Variants in CD109 observed in about 807,000 individuals in gnomAD.
The protein encoded by CD109 is CD109 molecule.
Under a neutral mutation model 165.8 loss-of-function variants are expected in CD109, and 149 were observed. That is an observed-to-expected ratio of 0.90 (90% CI 0.79 to 1.03). The LOEUF is 1.03. CD109 is among the 50% of genes least tolerant of loss of function. CD109 has a pLI of 0.00. For missense variants in CD109, 1,712 were observed against 1,677.8 expected (o/e 1.02, Z -0.36); for synonymous variants, 585 against 592.1 (o/e 0.99, Z 0.18).
In CD109 at chr6:73,805,502, C is replaced by T. The variant is rs539977674; in HGVS notation, c.2961-1342C>T. On this transcript the variant is annotated intron_variant, in intron 24 of 32. Coordinates refer to ENST00000287097, the MANE Select transcript of CD109 (RefSeq NM_133493.5). ...CCCAGGGACGGGCAGGAGACAGATG[C>T]CTTCCTCTTATCTCAACTGCAAAGA... Among the ~76,000 whole-genome samples, 15 of 152,216 alleles carry T rather than the reference C, an allele frequency of 9.9e-5. No homozygotes were observed. In the East Asian group the frequency reaches 2.7e-3, roughly 27 times the overall value.
chr6:73,762,386 A>AT lies in CD109; in HGVS notation c.762dup (p.Thr255TyrfsTer31). The AT allele has an allele frequency of 6.3e-7, 1 of 1,581,150 alleles. No individual in the cohort carries two copies. Among genetic ancestry groups the AT allele is most frequent in the Admixed American group, 1.7e-5 (1 of 59,662 alleles). ...AGACTATGTTTATAATTATTCAGGT[A>AT]TACATATGGGAAGCCAGTGAAAGGA... On this transcript the variant is annotated frameshift_variant, in exon 8 of 33. Coordinates refer to ENST00000287097, the MANE Select transcript of CD109 (RefSeq NM_133493.5). LOFTEE classifies it high-confidence loss of function.
At chr6:73,706,059 C>T (rs1346132177) in intron 2 of CD109, among the ~76,000 whole-genome samples, 1 of 152,040 alleles carries the variant, frequency 6.6e-6, no homozygotes, top group Non-Finnish European at 1.5e-5. Context: ...CCTTAAAAAA[C>T]CCTCATACTT....
chr6:73,794,961 G>A (rs1775104797), intron 23 of CD109, among the ~76,000 whole-genome samples: 1 of 151,360 alleles, frequency 6.6e-6, no homozygotes, highest in South Asian at 2.1e-4. Context: ...GTGGTACCAA[G>A]TGGTCTCTGT....
intron 20 of CD109, among the ~76,000 whole-genome samples, chr6:73,786,790 T>G (rs1003537577): frequency 1.3e-5 from 2 of 152,232 alleles, no homozygotes; most frequent in African/African-American, 2.4e-5. Context: ...GTACTTTCCT[T>G]GGAATAATTT....
intron 15 of CD109, among the ~76,000 whole-genome samples, chr6:73,773,744 G>A (rs1054758358): frequency 2.6e-5 from 4 of 151,982 alleles, no homozygotes; most frequent in South Asian, 2.1e-4. Flanking sequence ...ACAGATTTTA[G>A]TTCCATGTTA....
Position 73,730,587 on chromosome 6 carries a change from C to G in CD109, c.507+13C>G, listed in dbSNP as rs375749008. Reference sequence around the variant, plus strand: ...CATTCTCATTAAGGTAAGTGCCAGACAGAAATGAAGCAAGGAATTCTAGCC... The same window carrying G: ...CATTCTCATTAAGGTAAGTGCCAGAGAGAAATGAAGCAAGGAATTCTAGCC... On this transcript the variant is annotated intron_variant, in intron 4 of 32. Transcript: ENST00000287097. 61 of 1,547,592 alleles carry G rather than the reference C, an allele frequency of 3.9e-5. No individual in the cohort carries two copies. The African/African-American group carries it at 7.5e-4, about 19-fold the overall frequency.
chr6:73,737,048 A>G (rs1291483204), intron 5 of CD109, among the ~76,000 whole-genome samples: 1 of 152,170 alleles, frequency 6.6e-6, no homozygotes, highest in East Asian at 1.9e-4. Context: ...ATAAATCTAA[A>G]TGGGGGGCAT....
At chr6:73,730,257 A>G in intron 3 of CD109, 87 bp from the exon 4 acceptor site, 1 of 844,312 alleles carries the variant, frequency 1.2e-6, no homozygotes, top group South Asian at 1.6e-5. Flanking sequence ...AATACTGTGT[A>G]TTTACTTTTT....
Position 73,827,346 on chromosome 6 carries a change from C to T in CD109, c.*3713C>T, listed in dbSNP as rs1055804203. The T allele has an allele frequency of 1.3e-5, 2 of 151,160 alleles. No homozygotes were observed. The highest frequency in any genetic ancestry group is 1.5e-5 in the Non-Finnish European group (1 of 67,932). The allele number at this position is 151,160 out of a possible 1,614,324, so 9.4% of individuals were successfully genotyped here. A position where few individuals can be genotyped will look rare whatever the true frequency, so the allele number is the denominator to read the frequency against. On this transcript the variant is annotated 3_prime_UTR_variant, in exon 33 of 33. Coordinates refer to ENST00000287097, the MANE Select transcript of CD109 (RefSeq NM_133493.5). ...CATAGATGAGTTTCAGAACCTTTTA[C>T]GTTCTCGGTAGAGGCTTCTGTCGGA...
intron 2 of CD109, among the ~76,000 whole-genome samples, chr6:73,720,220 G>A (rs1771896572): frequency 6.6e-6 from 1 of 152,144 alleles, no homozygotes; most frequent in Non-Finnish European, 1.5e-5. Context: ...CAGTGACATG[G>A]ATGAACTTGG....
intron 15 of CD109, among the ~76,000 whole-genome samples, chr6:73,777,811 T>C (rs1562062028): frequency 1.3e-5 from 2 of 152,240 alleles, no homozygotes; most frequent in East Asian, 3.8e-4. Context: ...TTTTGGTTAC[T>C]ATAGCCTTGT....
intron 2 of CD109, among the ~76,000 whole-genome samples, chr6:73,718,509 A>T (rs1260496180): frequency 6.6e-6 from 1 of 151,860 alleles, no homozygotes; most frequent in Non-Finnish European, 1.5e-5. Context: ...TGAAATGATC[A>T]TGTAGTTTTT....
At chr6:73,745,653 T>C (rs546258010) in intron 5 of CD109, among the ~76,000 whole-genome samples, 1 of 152,330 alleles carries the variant, frequency 6.6e-6, no homozygotes, top group South Asian at 2.1e-4. Flanking sequence ...TATCCATTAA[T>C]ATACTATTAA....
chr6:73,707,236 C>G (rs115222989), intron 2 of CD109, among the ~76,000 whole-genome samples: 2 of 152,042 alleles, frequency 1.3e-5, no homozygotes, highest in African/African-American at 4.8e-5. Flanking sequence ...ATGAATGCTG[C>G]GAAGGATTCT....
Position 73,785,354 on chromosome 6 carries a change from T to C in CD109, c.2224-10T>C. Reference sequence around the variant, plus strand: ...TGAATAAAAATATGTACTCGTTGTGTTCTTTCCAGCTCCAAGCCTTCCAAC... The same window carrying C: ...TGAATAAAAATATGTACTCGTTGTGCTCTTTCCAGCTCCAAGCCTTCCAAC... On this transcript the variant is annotated splice_polypyrimidine_tract_variant and intron_variant, in intron 19 of 32. Transcript: ENST00000287097. 6.8e-7 allele frequency: 1 copy of C among 1,464,506 alleles called. No individual in the cohort carries two copies. Among genetic ancestry groups the C allele is most frequent in the Admixed American group, 1.7e-5 (1 of 57,598 alleles). The allele number at this position is 1,464,506 out of a possible 1,614,324, so 90.7% of individuals were successfully genotyped here. A position where few individuals can be genotyped will look rare whatever the true frequency, so the allele number is the denominator to read the frequency against.
intron 16 of CD109, among the ~76,000 whole-genome samples, chr6:73,780,993 C>G (rs1774469795): frequency 7.5e-6 from 1 of 134,188 alleles, no homozygotes; most frequent in Admixed American, 7.8e-5. Context: ...TGAGAGAGAT[C>G]GATATGTGTA....
chr6:73,789,477 G>T (rs1019693423), intron 22 of CD109, among the ~76,000 whole-genome samples: 2 of 151,330 alleles, frequency 1.3e-5, no homozygotes, highest in African/African-American at 4.9e-5. Context: ...TTTTTGAGGC[G>T]GAGTCTCGCT....
chr6:73,782,610 A>T lies in CD109; in HGVS notation c.1964-4A>T. 6.2e-7 allele frequency: 1 copy of T among 1,610,824 alleles called. No homozygotes were observed. Among genetic ancestry groups the T allele is most frequent in the Non-Finnish European group, 8.5e-7 (1 of 1,177,798 alleles). On this transcript the variant is annotated splice_region_variant and splice_polypyrimidine_tract_variant and intron_variant, in intron 17 of 32. Transcript: ENST00000287097. ...TTCTAACTACTGTCAATGTTTATTTATAGATGACAATGCAGAATATGCTGA... is the reference window on the plus strand; with the variant it reads ...TTCTAACTACTGTCAATGTTTATTTTTAGATGACAATGCAGAATATGCTGA...
At chr6:73,708,920 G>A (rs1771411828) in intron 2 of CD109, among the ~76,000 whole-genome samples, 1 of 152,056 alleles carries the variant, frequency 6.6e-6, no homozygotes, top group Non-Finnish European at 1.5e-5. Flanking sequence ...AGATGAGTAG[G>A]TTGCAAAAAT....
Sources: gnomAD v4.1 joint callset for allele counts (sites outside exome capture counted in the v4.1 genomes callset) on GRCh38, gnomAD v4.1.1 for gene constraint, MANE v1.5 for transcripts, NCBI Gene and HGNC (gene_info 2026-07-23, HGNC 2026-07-21) for gene names.